SLC2A13: variants seen among roughly 807,000 people sequenced by gnomAD.
SLC2A13 encodes proton myo-inositol cotransporter.
SLC2A13 carries 32 observed loss-of-function variants against 64.4 expected under a neutral mutation model. The observed-to-expected ratio is 0.50, with a 90% CI of 0.37 to 0.67. The LOEUF is 0.67. SLC2A13 is among the 30% of genes least tolerant of loss of function. SLC2A13 has a pLI of 0.00. For missense variants in SLC2A13, 743 were observed against 829.2 expected, an observed-to-expected ratio of 0.90 and a Z score of 1.28; for synonymous variants, 338 against 327.1, an observed-to-expected ratio of 1.03 and a Z score of -0.36.
intron 1 of SLC2A13, among the ~76,000 whole-genome samples, chr12:40,084,928 G>T (rs998599892): frequency 2.0e-5 from 3 of 152,156 alleles, no homozygotes; most frequent in Non-Finnish European, 2.9e-5. Flanking sequence ...GGCAGGATTA[G>T]ATGGTTGGGA....
At chr12:40,065,835 T>C (rs1937698155) in intron 1 of SLC2A13, among the ~76,000 whole-genome samples, 1 of 152,204 alleles carries the variant, frequency 6.6e-6, no homozygotes. Flanking sequence ...AAGTGTTTTA[T>C]TTCAAAGTCT....
chr12:40,062,486 A>G (rs1948438320), intron 1 of SLC2A13, among the ~76,000 whole-genome samples: 1 of 152,118 alleles, frequency 6.6e-6, no homozygotes, highest in Admixed American at 6.6e-5. Context: ...ACAGAAAAAA[A>G]AGCATATATA....
At chr12:40,023,883 C>A (rs1047405875) in intron 3 of SLC2A13, among the ~76,000 whole-genome samples, 2 of 152,118 alleles carry the variant, frequency 1.3e-5, no homozygotes, top group Non-Finnish European at 1.5e-5. Flanking sequence ...AGGAAAAAAA[C>A]GGTTTACAGT....
At chr12:39,992,222 T>C (rs1947149574) in intron 3 of SLC2A13, among the ~76,000 whole-genome samples, 1 of 152,104 alleles carries the variant, frequency 6.6e-6, no homozygotes, top group South Asian at 2.1e-4. Context: ...AAAGGGGCGA[T>C]TAAGCAGCCT....
chr12:39,897,747 C>CA (rs1944965936), intron 4 of SLC2A13, among the ~76,000 whole-genome samples: 1 of 151,938 alleles, frequency 6.6e-6, no homozygotes, highest in African/African-American at 2.4e-5. Flanking sequence ...ACTTAGAAAA[C>CA]AAAAAATATT....
intron 3 of SLC2A13, among the ~76,000 whole-genome samples, chr12:39,953,074 G>A (rs1345144845): frequency 2.6e-5 from 4 of 152,028 alleles, no homozygotes; most frequent in African/African-American, 7.2e-5. Context: ...AATGCAAGAA[G>A]TCTATTATAA....
At chr12:39,911,014 G>A (rs948512887) in intron 4 of SLC2A13, among the ~76,000 whole-genome samples, 1 of 152,132 alleles carries the variant, frequency 6.6e-6, no homozygotes, top group Non-Finnish European at 1.5e-5. Context: ...AACCTGGGAG[G>A]TGTAGGTTGC....
chr12:39,817,184 C>T (rs1264575599), intron 7 of SLC2A13, among the ~76,000 whole-genome samples: 1 of 152,222 alleles, frequency 6.6e-6, no homozygotes, highest in African/African-American at 2.4e-5. Context: ...TTGAACATCT[C>T]TCACAGGAGT....
At chr12:39,813,844 C>G (rs1942263121) in intron 7 of SLC2A13, among the ~76,000 whole-genome samples, 1 of 152,078 alleles carries the variant, frequency 6.6e-6, no homozygotes, top group Admixed American at 6.5e-5. Flanking sequence ...TGAACAGAAC[C>G]CCTACACAGG....
chr12:39,979,569 A>G (rs1179698951), intron 3 of SLC2A13, among the ~76,000 whole-genome samples: 1 of 149,636 alleles, frequency 6.7e-6, no homozygotes, highest in African/African-American at 2.5e-5. Flanking sequence ...AAGAAAGGGT[A>G]TCAGCAACGG....
chr12:39,774,369 T>G (rs1223459924), intron 7 of SLC2A13, among the ~76,000 whole-genome samples: 1 of 152,220 alleles, frequency 6.6e-6, no homozygotes, highest in Non-Finnish European at 1.5e-5. Context: ...CTTGGCCCAT[T>G]ACTTCTCAGA....
chr12:39,951,168 C>A, intron 4 of SLC2A13, 89 bp downstream of exon 4: 1 of 1,102,338 alleles, frequency 9.1e-7, no homozygotes, highest in South Asian at 1.4e-5. Context: ...ATCACTGAGT[C>A]TAGTATTTAC....
At chr12:40,029,032 T>A (rs1211004324) in intron 2 of SLC2A13, among the ~76,000 whole-genome samples, 2 of 152,126 alleles carry the variant, frequency 1.3e-5, no homozygotes, top group Non-Finnish European at 2.9e-5. Context: ...TCAAGCATCA[T>A]GTTCATCATC....
At chr12:40,034,745 CTGCATTAGTTCACGGAAA>C (rs1947952158) in intron 2 of SLC2A13, among the ~76,000 whole-genome samples, 3 of 151,914 alleles carry the variant, frequency 2.0e-5, no homozygotes, top group African/African-American at 7.3e-5. Context: ...TCTTTTTTTC[CTGCATTAGTTCACGGAAA>C]ATAAAAAGGG....
intron 4 of SLC2A13, among the ~76,000 whole-genome samples, chr12:39,896,533 T>TGTGTATAC (rs1944910778): frequency 7.1e-6 from 1 of 141,436 alleles, no homozygotes; most frequent in African/African-American, 2.8e-5. Flanking sequence ...TGTATACATG[T>TGTGTATAC]ATGTATGTAT....
intron 1 of SLC2A13, among the ~76,000 whole-genome samples, chr12:40,101,939 T>A (rs142794163): frequency 4.7e-5 from 1 of 21,396 alleles, no homozygotes; most frequent in Non-Finnish European, 8.7e-5. Context: ...TGAGGTAATA[T>A]GTGTAAAGTA....
At position 39,868,350 on chromosome 12, in the gene SLC2A13, T is replaced by C. The variant is rs181062083; in HGVS notation, c.1198+3448A>G. 2.3e-3 allele frequency among the ~76,000 whole-genome samples: 347 copies of C among 152,320 alleles called. 1 individual carries two copies. Among genetic ancestry groups the C allele is most frequent in the South Asian group, 1.4e-3 (7 of 4,828 alleles). On this transcript the variant is annotated intron_variant, in intron 5 of 9. Coordinates refer to ENST00000280871, the MANE Select transcript of SLC2A13 (RefSeq NM_052885.4). Reference sequence around the variant, plus strand: ...ATAGCATTATTAAAAATATCTATTGTAATAATCAGTACCAGGTACAGTGTT... The same window carrying C: ...ATAGCATTATTAAAAATATCTATTGCAATAATCAGTACCAGGTACAGTGTT...
intron 1 of SLC2A13, among the ~76,000 whole-genome samples, chr12:40,081,175 C>T (rs1301323476): frequency 6.6e-6 from 1 of 152,146 alleles, no homozygotes; most frequent in Non-Finnish European, 1.5e-5. Context: ...TGATGACTAT[C>T]TATCTTCAAG....
rs556153983 is a variant in SLC2A13 at position 39,890,906 on chromosome 12, C to T, written c.1035-18945G>A. Among the ~76,000 whole-genome samples the T allele has an allele frequency of 7.2e-4, 109 of 152,136 alleles. No homozygotes were observed. In the Middle Eastern group the frequency reaches 0.01, roughly 14 times the overall value. ...TAAGTAAAAACCTTACAAAGTGGTACATATTACATAATTTTAATTCTGTTA... is the reference window on the plus strand; with the variant it reads ...TAAGTAAAAACCTTACAAAGTGGTATATATTACATAATTTTAATTCTGTTA... On this transcript the variant is annotated intron_variant, in intron 4 of 9. Transcript: ENST00000280871.
Sources: gnomAD v4.1 joint callset for allele counts (sites outside exome capture counted in the v4.1 genomes callset) on GRCh38, gnomAD v4.1.1 for gene constraint, MANE v1.5 for transcripts, NCBI Gene and HGNC (gene_info 2026-07-23, HGNC 2026-07-21) for gene names.